Variants in ATP5MJ observed in about 807,000 individuals in gnomAD.
ATP5MJ encodes the protein ATP synthase F(0) complex subunit j, mitochondrial.
ATP5MJ carries 4 observed loss-of-function variants against 8.3 expected under a neutral mutation model. The ratio of observed to expected loss-of-function variants is 0.48; its 90% CI spans 0.24 to 1.11. The LOEUF is 1.11. ATP5MJ is among the 50% of genes least tolerant of loss of function. The pLI, the probability that ATP5MJ is intolerant of heterozygous loss-of-function variation, is 0.18. For missense variants in ATP5MJ, 66 were observed against 71.8 expected, an observed-to-expected ratio of 0.92 and a Z score of 0.29; for synonymous variants, 23 against 21.3, an observed-to-expected ratio of 1.08 and a Z score of -0.23.
intron 1 of ATP5MJ, among the ~76,000 whole-genome samples, chr14:103,919,721 C>A (rs2087657251): frequency 1.3e-5 from 2 of 152,186 alleles, no homozygotes; most frequent in African/African-American, 4.8e-5. Context: ...GCAACAGGGG[C>A]CTGCTATTCA....
intron 1 of ATP5MJ, chr14:103,920,970 G>A: frequency 6.4e-7 from 1 of 1,551,616 alleles, no homozygotes. Context: ...TGTCTGACCC[G>A]CGAGTTCCAT....
At chr14:103,912,880 T>A in intron 3 of ATP5MJ, 186 bp from the exon 4 acceptor site, 1 of 610,882 alleles carries the variant, frequency 1.6e-6, no homozygotes, top group Non-Finnish European at 2.9e-6. Context: ...GTTCATGTAA[T>A]GACAGCAGAC....
chr14:103,918,466 T>C (rs913008567), intron 1 of ATP5MJ, among the ~76,000 whole-genome samples: 11 of 151,922 alleles, frequency 7.2e-5, no homozygotes, highest in Non-Finnish European at 1.2e-4. Flanking sequence ...GTTCACACCA[T>C]TCTCCTGCCT....
At chr14:103,919,563 G>A (rs1191050580) in intron 1 of ATP5MJ, among the ~76,000 whole-genome samples, 1 of 152,062 alleles carries the variant, frequency 6.6e-6, no homozygotes, top group Non-Finnish European at 1.5e-5. Context: ...GGTAAGATGA[G>A]GGTCTATAAG....
intron 2 of ATP5MJ, 37 bp from the exon 3 acceptor site, chr14:103,914,021 A>G (rs755259278): frequency 6.4e-7 from 1 of 1,573,948 alleles, no homozygotes; most frequent in South Asian, 1.2e-5. Flanking sequence ...CAGTCATATC[A>G]ATGCTTTACA....
intron 2 of ATP5MJ, chr14:103,914,321 T>C (rs2087605330): frequency 1.8e-6 from 1 of 542,098 alleles, no homozygotes; most frequent in Non-Finnish European, 3.3e-6. Flanking sequence ...AAGTGGTTAT[T>C]CCTCCCCTCC....
chr14:103,920,356 T>C (rs2087666081), intron 1 of ATP5MJ, among the ~76,000 whole-genome samples: 1 of 150,414 alleles, frequency 6.6e-6, no homozygotes, highest in African/African-American at 2.5e-5. Flanking sequence ...ATGGTCTCGA[T>C]CTCTTGACCT....
rs1047857015 is a variant in ATP5MJ, at chr14:103,920,881, T to C, written c.-1+589A>G. ...CTTATTCATAGGCCAAACGTGTGTC[T>C]ACTGTATCCACTTAAGTCTGCAAAG... is the stretch of plus-strand genomic sequence containing the variant. On this transcript the variant is annotated intron_variant, in intron 1 of 3. Coordinates refer to ENST00000286953, the MANE Select transcript of ATP5MJ (RefSeq NM_004894.3). The C allele has an allele frequency of 5.9e-6, 7 of 1,193,338 alleles. No homozygotes were observed. The African/African-American group carries it at 1.1e-4, about 18-fold the overall frequency. 73.9% of individuals were successfully genotyped at this position (1,193,338 alleles called of 1,614,324 possible). A position where few individuals can be genotyped will look rare whatever the true frequency, so the allele number is the denominator to read the frequency against.
In ATP5MJ at chr14:103,915,093, A is replaced by T; in HGVS notation, c.97T>A (p.Phe33Ile). 1 of 1,614,102 alleles carries T rather than the reference A, an allele frequency of 6.2e-7. No individual in the cohort carries two copies. The highest frequency in any genetic ancestry group is 2.2e-5 in the East Asian group (1 of 44,882). The stretch of plus-strand genomic sequence containing the variant: ...GCAGCCCGGATTTTATAAACGATGA[A>T]GCCCATCAGCCCCATTCCTATCCAA... ...EIWIGMGLMG[F>I]IVYKIRAADK... Residue 33 changes from phenylalanine to isoleucine, a missense_variant, in exon 2 of 4, where the codon TTC (phenylalanine) becomes ATC (isoleucine). Transcript: ENST00000286953.
chr14:103,914,453 C>A (rs955684756), intron 2 of ATP5MJ: 13 of 597,644 alleles, frequency 2.2e-5, no homozygotes, highest in African/African-American at 2.0e-4. Flanking sequence ...GAATGTAATA[C>A]CACTTTCACA....
At chr14:103,914,868 G>GAA in intron 2 of ATP5MJ, 198 bp downstream of exon 2, 4 of 327,760 alleles carry the variant, frequency 1.2e-5, no homozygotes, top group Admixed American at 6.3e-5. Flanking sequence ...GAAAAGAAAA[G>GAA]AAAAAAAAAA....
chr14:103,914,353 T>C, intron 2 of ATP5MJ: 1 of 535,180 alleles, frequency 1.9e-6, no homozygotes, highest in Non-Finnish European at 3.3e-6. Flanking sequence ...CAAACAAATT[T>C]CAAATATTCA....
At chr14:103,914,330 C>T (rs2087605497) in intron 2 of ATP5MJ, 2 of 538,962 alleles carry the variant, frequency 3.7e-6, no homozygotes, top group African/African-American at 3.8e-5. Context: ...TTCCTCCCCT[C>T]CAAATTTTTT....
At chr14:103,914,854 A>AG (rs2087611861) in intron 2 of ATP5MJ, 1 of 448,838 alleles carries the variant, frequency 2.2e-6, no homozygotes, top group African/African-American at 2.2e-5. Context: ...AAAAAAAAAA[A>AG]AAAGAAAAGA....
chr14:103,912,798 A>G (rs2087590927), intron 3 of ATP5MJ, 104 bp from the exon 4 acceptor site: 28 of 1,141,060 alleles, frequency 2.5e-5, no homozygotes, highest in South Asian at 1.9e-4. Context: ...CAGTCCAAAA[A>G]GATAAATGAC....
intron 1 of ATP5MJ, among the ~76,000 whole-genome samples, chr14:103,915,647 C>CTTT (rs2087619748): frequency 1.5e-5 from 2 of 129,992 alleles, no homozygotes; most frequent in African/African-American, 7.6e-5. Flanking sequence ...TGTGCCTGGC[C>CTTT]ATTTTTTTTT....
At chr14:103,913,319 CAA>C (rs201166675) in intron 3 of ATP5MJ, 13 of 127,000 alleles carry the variant, frequency 1.0e-4, no homozygotes, top group South Asian at 2.6e-4. Context: ...GACTCTGTCT[CAA>C]AAAAAAAAAA....
chr14:103,914,443 G>A (rs779752347), intron 2 of ATP5MJ: 9 of 576,988 alleles, frequency 1.6e-5, no homozygotes, highest in East Asian at 2.9e-5. Flanking sequence ...CTCTTAAAAC[G>A]AATGTAATAC....
rs922311226 is a variant in ATP5MJ, at chr14:103,912,471, G to A, written c.*195C>T. The A allele has an allele frequency of 1.1e-5, 7 of 630,082 alleles. No homozygotes were observed. Among genetic ancestry groups the A allele is most frequent in the Admixed American group, 7.9e-5 (3 of 37,984 alleles). The allele number at this position is 630,082 out of a possible 1,614,324, so 39.0% of individuals were successfully genotyped here. A position where few individuals can be genotyped will look rare whatever the true frequency, so the allele number is the denominator to read the frequency against. ...CTACTCAGAGTATGCCTGACACGCC[G>A]GAGGGGCTGAGGGGGAACACACTGA... On this transcript the variant is annotated 3_prime_UTR_variant, in exon 4 of 4. Coordinates refer to ENST00000286953, the MANE Select transcript of ATP5MJ (RefSeq NM_004894.3).
Sources: gnomAD v4.1 joint callset for allele counts (sites outside exome capture counted in the v4.1 genomes callset) on GRCh38, gnomAD v4.1.1 for gene constraint, MANE v1.5 for transcripts, NCBI Gene and HGNC (gene_info 2026-07-23, HGNC 2026-07-21) for gene names.